The following NWD2 variants were observed in gnomAD, a reference collection of about 807,000 sequenced individuals.
The protein encoded by NWD2 is NACHT and WD repeat domain containing 2, also known as NACHT and WD repeat domain-containing protein 2.
In NWD2, 37 loss-of-function variants were observed where a neutral mutation model predicts 132.7. The ratio of observed to expected loss-of-function variants is 0.28; its 90% confidence interval spans 0.21 to 0.37. NWD2 has a LOEUF of 0.37. Ranked by LOEUF, NWD2 falls within the 10% of genes least tolerant of loss-of-function variation. The pLI is 1.00. For missense variants in NWD2, 1,592 were observed against 2,122.4 expected (o/e 0.75, Z 4.91); for synonymous variants, 705 against 803.0 (o/e 0.88, Z 2.06).
chr4:37,385,829 A>G (rs1385959769), intron 3 of NWD2, among the ~76,000 whole-genome samples: 1 of 152,190 alleles, frequency 6.6e-6, no homozygotes, highest in East Asian at 1.9e-4. Flanking sequence ...TATTATTGAT[A>G]ATAATGTCTA....
chr4:37,335,514 T>G (rs1343694569), intron 2 of NWD2, among the ~76,000 whole-genome samples: 1 of 152,132 alleles, frequency 6.6e-6, no homozygotes, highest in East Asian at 1.9e-4. Context: ...TATATCTTCA[T>G]AGTACCAGAA....
At chr4:37,436,642 T>C (rs932913157) in intron 5 of NWD2, among the ~76,000 whole-genome samples, 1 of 152,156 alleles carries the variant, frequency 6.6e-6, no homozygotes, top group Admixed American at 6.6e-5. Context: ...CTGATTATAA[T>C]GCATTATATA....
Position 37,446,085 on chromosome 4 carries a change from C to T in NWD2, c.4097C>T (p.Thr1366Ile), listed in dbSNP as rs1249500785. The T allele has an allele frequency of 6.4e-7, 1 of 1,551,726 alleles. No homozygotes were observed. The highest frequency in any genetic ancestry group is 1.2e-5 in the South Asian group (1 of 84,054). ...HEGIVEHCVL[T>I]STGDIMVTSD... ...GGAATAGTTGAACACTGTGTGTTAA[C>T]ATCCACCGGAGATATAATGGTGACA... is the stretch of plus-strand genomic sequence containing the variant. Residue 1366 changes from threonine to isoleucine, a missense_variant, in exon 7 of 7, where the codon ACA becomes ATA. Thr to Ile is a moderately conservative substitution (Grantham distance 89, BLOSUM62 -1). Coordinates refer to ENST00000309447, the MANE Select transcript of NWD2 (RefSeq NM_001144990.2). This position sits in a 1 kb window ranked among gnomAD's most constrained non-coding sequence, Gnocchi z 6.7.
intron 1 of NWD2, among the ~76,000 whole-genome samples, chr4:37,323,286 T>C (rs1225435285): frequency 6.6e-6 from 1 of 152,106 alleles, no homozygotes. Context: ...GAAGAAAATA[T>C]TCACAAACTA....
At chr4:37,332,818 A>T (rs1233052237) in intron 2 of NWD2, among the ~76,000 whole-genome samples, 2 of 152,158 alleles carry the variant, frequency 1.3e-5, no homozygotes, top group African/African-American at 4.8e-5. Context: ...TGGCTCTCAG[A>T]TGGTATTTCT....
In NWD2 at chr4:37,244,913, C is replaced by A; in HGVS notation, c.-155C>A. ...CCTCGCCGGCGGGTGCTGTGCGCCA[C>A]GGAGCTCGCCAAAGGCGCTTCGGGC... On this transcript the variant is annotated 5_prime_UTR_variant, in exon 1 of 7. Coordinates refer to ENST00000309447, the MANE Select transcript of NWD2 (RefSeq NM_001144990.2). This position sits in a 1 kb window ranked among gnomAD's most constrained non-coding sequence, Gnocchi z 5.5. 1.1e-6 allele frequency: 1 copy of A among 936,564 alleles called. No individual in the cohort carries two copies. The highest frequency in any genetic ancestry group is 1.8e-5 in the South Asian group (1 of 56,032). 58.0% of individuals were successfully genotyped at this position (936,564 alleles called of 1,614,324 possible). A position where few individuals can be genotyped will look rare whatever the true frequency, so the allele number is the denominator to read the frequency against.
At chr4:37,394,948 G>A (rs913182753) in intron 3 of NWD2, among the ~76,000 whole-genome samples, 12 of 150,192 alleles carry the variant, frequency 8.0e-5, no homozygotes, top group Non-Finnish European at 3.0e-5. Context: ...GAGTAGCTGG[G>A]ATTACAGGTG....
At chr4:37,359,081 A>G (rs941383741) in intron 3 of NWD2, among the ~76,000 whole-genome samples, 4 of 152,180 alleles carry the variant, frequency 2.6e-5, no homozygotes, top group African/African-American at 7.2e-5. Context: ...TCCCCCTTTT[A>G]TAACCCTGTT....
intron 3 of NWD2, among the ~76,000 whole-genome samples, chr4:37,360,100 T>A (rs1002621374): frequency 1.3e-5 from 2 of 152,126 alleles, no homozygotes; most frequent in Non-Finnish European, 2.9e-5. Flanking sequence ...TAATTGTACT[T>A]TAGTGATCAC....
chr4:37,392,920 C>G, intron 3 of NWD2, among the ~76,000 whole-genome samples: 1 of 152,228 alleles, frequency 6.6e-6, no homozygotes, highest in East Asian at 1.9e-4. Flanking sequence ...ATGGCAGTCT[C>G]TCATTCACCC....
rs73240371 is a variant in NWD2 at position 37,323,651 on chromosome 4, A to G, written c.152-2285A>G. 2.5e-3 allele frequency among the ~76,000 whole-genome samples: 386 copies of G among 152,320 alleles called. 1 individual carries two copies. The highest frequency in any genetic ancestry group is 6.4e-3 in the South Asian group (31 of 4,826). ...TCAGAGATTTCTCAAAGAACTTGAA[A>G]TAGAGCTACCATTCGACCCAGCAAT... On this transcript the variant is annotated intron_variant, in intron 1 of 6. Coordinates refer to ENST00000309447, the MANE Select transcript of NWD2 (RefSeq NM_001144990.2).
At chr4:37,433,230 C>T (rs1324184662) in intron 4 of NWD2, among the ~76,000 whole-genome samples, 1 of 152,176 alleles carries the variant, frequency 6.6e-6, no homozygotes, top group African/African-American at 2.4e-5. Flanking sequence ...AGCAAAGAAC[C>T]TGATACCCCA....
chr4:37,403,187 C>A (rs1315835009), intron 3 of NWD2, among the ~76,000 whole-genome samples: 1 of 152,156 alleles, frequency 6.6e-6, no homozygotes, highest in East Asian at 1.9e-4. Context: ...CTGTTCTAGG[C>A]ATGAGAATGC....
chr4:37,300,375 G>C (rs1718589213), intron 1 of NWD2, among the ~76,000 whole-genome samples: 1 of 152,168 alleles, frequency 6.6e-6, no homozygotes, highest in Non-Finnish European at 1.5e-5. Flanking sequence ...ACTCATGCTA[G>C]TGGAGTGTAA....
Position 37,356,502 on chromosome 4 carries a change from T to G in NWD2, c.357+20T>G. On this transcript the variant is annotated intron_variant, in intron 3 of 6. Transcript: ENST00000309447. ...TTTGTTGTGGGTATAAAAAAACTAA[T>G]GCTTTATATTAACTTTTAGATGAAT... 1 of 1,368,302 alleles carries G rather than the reference T, an allele frequency of 7.3e-7. No individual in the cohort carries two copies. Among genetic ancestry groups the G allele is most frequent in the Non-Finnish European group, 1.0e-6 (1 of 981,150 alleles). 84.8% of individuals were successfully genotyped at this position (1,368,302 alleles called of 1,614,324 possible). A position where few individuals can be genotyped will look rare whatever the true frequency, so the allele number is the denominator to read the frequency against.
At chr4:37,400,938 C>T (rs967526482) in intron 3 of NWD2, among the ~76,000 whole-genome samples, 2 of 152,186 alleles carry the variant, frequency 1.3e-5, no homozygotes, top group Non-Finnish European at 2.9e-5. Context: ...CAAACCATAG[C>T]ACTTGGAAAG....
chr4:37,327,703 A>G (rs1403967799), intron 2 of NWD2, among the ~76,000 whole-genome samples: 1 of 152,164 alleles, frequency 6.6e-6, no homozygotes, highest in Non-Finnish European at 1.5e-5. Context: ...TTCTAAGAAT[A>G]TACCTTTTAA....
At chr4:37,285,212 C>T (rs1051274982) in intron 1 of NWD2, among the ~76,000 whole-genome samples, 7 of 152,126 alleles carry the variant, frequency 4.6e-5, no homozygotes, top group African/African-American at 9.7e-5. Context: ...CTCTTGTGAA[C>T]GTTCCAACAC....
At position 37,346,081 on chromosome 4, in the gene NWD2, C is replaced by CAA. The variant is rs1198830447; in HGVS notation, c.241-10268_241-10267dup. Among the ~76,000 whole-genome samples, 494 of 92,126 alleles carry CAA rather than the reference C, an allele frequency of 5.4e-3. 1 individual carries two copies. Among genetic ancestry groups the CAA allele is most frequent in the African/African-American group, 0.016 (445 of 28,012 alleles). The allele number at this position is 92,126 out of a possible 152,430, so 60.4% of individuals were successfully genotyped here. On this transcript the variant is annotated intron_variant, in intron 2 of 6. Transcript: ENST00000309447. ...TGGGCAGCAGAGGGATACTCTGTCT[C>CAA]AAAAAAAAAAAAAAAAAACCTACTA...
Sources: gnomAD v4.1 joint callset for allele counts (sites outside exome capture counted in the v4.1 genomes callset) on GRCh38, gnomAD v4.1.1 for gene constraint, Gnocchi (gnomAD v3.1) non-coding constraint, MANE v1.5 for transcripts, NCBI Gene and HGNC (gene_info 2026-07-23, HGNC 2026-07-21) for gene names.